The following SLC39A8 variants were observed in gnomAD, a reference collection of about 807,000 sequenced individuals.
SLC39A8 encodes metal cation symporter ZIP8.
In SLC39A8, 15 loss-of-function variants were observed where a neutral mutation model predicts 40.4. The ratio of observed to expected loss-of-function variants is 0.37; its 90% CI spans 0.25 to 0.57. The LOEUF is 0.57. Among genes scored for constraint, SLC39A8 ranks in the 20% least tolerant of loss-of-function variants. SLC39A8 has a pLI of 0.75. For synonymous variants in SLC39A8, 223 were observed against 221.6 expected (o/e 1.01, Z -0.06); for missense variants, 472 against 558.8 (o/e 0.84, Z 1.57).
At chr4:102,315,908 A>C in intron 2 of SLC39A8, 78 bp from the exon 3 acceptor site, 2 of 1,232,714 alleles carry the variant, frequency 1.6e-6, no homozygotes, top group Non-Finnish European at 1.1e-6. Flanking sequence ...AAAGAGACAC[A>C]GACTATTTCA....
chr4:102,319,153 G>C (rs1461715525), intron 2 of SLC39A8, among the ~76,000 whole-genome samples: 2 of 152,156 alleles, frequency 1.3e-5, no homozygotes, highest in Non-Finnish European at 2.9e-5. Flanking sequence ...TGTGCATTTT[G>C]GCTTCCGCTT....
At chr4:102,341,866 A>G (rs1208258452) in intron 2 of SLC39A8, among the ~76,000 whole-genome samples, 1 of 152,232 alleles carries the variant, frequency 6.6e-6, no homozygotes, top group Non-Finnish European at 1.5e-5. Flanking sequence ...CCAAAAGAAC[A>G]ATGTTATTTG....
intron 4 of SLC39A8, among the ~76,000 whole-genome samples, chr4:102,306,976 T>A (rs1208818309): frequency 6.6e-6 from 1 of 152,102 alleles, no homozygotes; most frequent in African/African-American, 2.4e-5. Context: ...ATGCTCTCAT[T>A]TACTCTCTAG....
downstream of SLC39A8, among the ~76,000 whole-genome samples, chr4:102,258,939 G>A (rs1201778318): frequency 6.6e-6 from 1 of 152,060 alleles, no homozygotes; most frequent in Non-Finnish European, 1.5e-5. Flanking sequence ...ACACCACTCG[G>A]CTCACACTAG....
At chr4:102,309,206 G>A (rs1734318627) in intron 3 of SLC39A8, among the ~76,000 whole-genome samples, 2 of 151,700 alleles carry the variant, frequency 1.3e-5, no homozygotes, top group African/African-American at 4.8e-5. Context: ...CCAAACCATG[G>A]CTCCTGCCAC....
At chr4:102,293,217 A>G (rs1159433856) in intron 6 of SLC39A8, among the ~76,000 whole-genome samples, 1 of 152,182 alleles carries the variant, frequency 6.6e-6, no homozygotes, top group South Asian at 2.1e-4. Context: ...AAAAGTTGCA[A>G]TGAAATTCAA....
At chr4:102,295,825 C>A (rs888190457) in intron 6 of SLC39A8, among the ~76,000 whole-genome samples, 4 of 152,214 alleles carry the variant, frequency 2.6e-5, no homozygotes, top group African/African-American at 9.6e-5. Flanking sequence ...AACCCTAGAT[C>A]CCTCCTGACA....
chr4:102,253,565 T>G lies in SLC39A8; in HGVS notation c.*299-135A>C, dbSNP rs1578547204. On this transcript the variant is annotated intron_variant and NMD_transcript_variant, in intron 11 of 11. Transcript: ENST00000424970. ...CATCTATTAGCTTTTTTAGAATACATGTTCATTGAAGAAAATTGGAAAGCA... is the reference window on the plus strand; with the variant it reads ...CATCTATTAGCTTTTTTAGAATACAGGTTCATTGAAGAAAATTGGAAAGCA... 3 of 468,908 alleles carry G rather than the reference T, an allele frequency of 6.4e-6. No individual in the cohort carries two copies. The East Asian group carries it at 1.0e-4, about 16-fold the overall frequency. 29.0% of individuals were successfully genotyped at this position (468,908 alleles called of 1,614,324 possible). A position where few individuals can be genotyped will look rare whatever the true frequency, so the allele number is the denominator to read the frequency against.
At chr4:102,251,496 C>A (rs779568914) in exon 12 of SLC39A8, 3 of 152,276 alleles carry the variant, frequency 2.0e-5, no homozygotes, top group Middle Eastern at 3.4e-3. Flanking sequence ...CAAAACTCGA[C>A]CTCTGTCCTC....
At chr4:102,335,722 C>G (rs72926730) in intron 2 of SLC39A8, among the ~76,000 whole-genome samples, 2,156 of 152,190 alleles carry the variant, frequency 0.014, 47 homozygotes, top group African/African-American at 0.048. Flanking sequence ...GTCTCTACTC[C>G]TAAGGTTTAC....
At chr4:102,263,980 GA>G (rs1731977545) in intron 8 of SLC39A8, among the ~76,000 whole-genome samples, 1 of 152,086 alleles carries the variant, frequency 6.6e-6, no homozygotes, top group South Asian at 2.1e-4. Flanking sequence ...TTCCTTCCCT[GA>G]AGTCTTGAAC....
chr4:102,328,406 A>C (rs1243952950), intron 2 of SLC39A8, among the ~76,000 whole-genome samples: 1 of 152,158 alleles, frequency 6.6e-6, no homozygotes, highest in South Asian at 2.1e-4. Context: ...AAATTAAATT[A>C]AATGATGCAT....
At chr4:102,302,634 G>A (rs1733970872) in intron 6 of SLC39A8, among the ~76,000 whole-genome samples, 1 of 151,952 alleles carries the variant, frequency 6.6e-6, no homozygotes, top group Non-Finnish European at 1.5e-5. Context: ...TAAGAACACA[G>A]GCTTCGGTAT....
At chr4:102,271,063 G>A (rs1356083069) in intron 6 of SLC39A8, among the ~76,000 whole-genome samples, 1 of 151,860 alleles carries the variant, frequency 6.6e-6, no homozygotes, top group Non-Finnish European at 1.5e-5. Context: ...TAAGGAGGAT[G>A]AGAAGGAGGA....
In SLC39A8 at chr4:102,263,026, A is replaced by G; in HGVS notation, c.*18T>C. ...TCTATTAAATGCCTTTATTAACAAC[A>G]CCATCTTCCATTTTCTATTACTCCA... is the stretch of plus-strand genomic sequence containing the variant. On this transcript the variant is annotated 3_prime_UTR_variant, in exon 9 of 9. Coordinates refer to ENST00000356736, the MANE Select transcript of SLC39A8 (RefSeq NM_001135146.2). The G allele has an allele frequency of 6.3e-7, 1 of 1,593,110 alleles. No homozygotes were observed.
chr4:102,275,006 T>C (rs933434815), intron 6 of SLC39A8, among the ~76,000 whole-genome samples: 7 of 151,796 alleles, frequency 4.6e-5, no homozygotes, highest in African/African-American at 1.7e-4. Flanking sequence ...CAAAGCAAAA[T>C]GTAAAGACCA....
At position 102,307,525 on chromosome 4, in the gene SLC39A8, T is replaced by G. The variant is rs772735123; in HGVS notation, c.463A>C (p.Lys155Gln). 1.4e-5 allele frequency: 22 copies of G among 1,613,396 alleles called. No individual in the cohort carries two copies. Among genetic ancestry groups the G allele is most frequent in the Admixed American group, 1.7e-5 (1 of 59,938 alleles). Residue 155 changes from lysine (K) to glutamine (Q), a missense_variant, in exon 4 of 9, where the codon AAA becomes CAA. Lys to Gln is a moderately conservative substitution (Grantham distance 53). Around this residue, in one of 4 missense-constraint regions of SLC39A8, gnomAD observed 239 missense variants for 317.9 expected, o/e 0.75. Coordinates refer to ENST00000356736, the MANE Select transcript of SLC39A8 (RefSeq NM_001135146.2). ...LGLILTPLIK[K>Q]SYFPKILTFF... Reference sequence around the variant, plus strand: ...GTCAAAATCTTTGGGAAATAAGATTTCTTTATCAGTGGAGTCAAAATCAAT... The same window carrying G: ...GTCAAAATCTTTGGGAAATAAGATTGCTTTATCAGTGGAGTCAAAATCAAT...
chr4:102,312,339 C>T (rs913237380), intron 3 of SLC39A8, among the ~76,000 whole-genome samples: 1 of 152,004 alleles, frequency 6.6e-6, no homozygotes, highest in Non-Finnish European at 1.5e-5. Flanking sequence ...AGAGGCATTT[C>T]TCTTTTTATT....
chr4:102,324,968 A>G (rs1005926106), intron 2 of SLC39A8, among the ~76,000 whole-genome samples: 6 of 152,128 alleles, frequency 3.9e-5, no homozygotes, highest in African/African-American at 1.4e-4. Context: ...AGCACGAGTG[A>G]CTGAGGAAAT....
Sources: gnomAD v4.1 joint callset for allele counts (sites outside exome capture counted in the v4.1 genomes callset) on GRCh38, gnomAD v4.1.1 for gene constraint, gnomAD v4.1.1 regional missense constraint, MANE v1.5 for transcripts, NCBI Gene and HGNC (gene_info 2026-07-23, HGNC 2026-07-21) for gene names.